The following CSNK1G1 variants were observed in gnomAD, a reference collection of about 807,000 sequenced individuals.
CSNK1G1 encodes casein kinase I isoform gamma-1.
Under a neutral mutation model 59.6 loss-of-function variants are expected in CSNK1G1, and 22 were observed. That is an observed-to-expected ratio of 0.37 (90% CI 0.26 to 0.53). The LOEUF is 0.53. Ranked by LOEUF, CSNK1G1 falls within the 20% of genes least tolerant of loss-of-function variation. The pLI, the probability that CSNK1G1 is intolerant of heterozygous loss-of-function variation, is 0.89. For missense variants in CSNK1G1, 384 were observed against 519.5 expected (o/e 0.74, Z 2.54); for synonymous variants, 179 against 177.1 (o/e 1.01, Z -0.08).
chr15:64,207,067 G>A (rs1219162011), intron 7 of CSNK1G1, among the ~76,000 whole-genome samples: 2 of 152,120 alleles, frequency 1.3e-5, no homozygotes, highest in African/African-American at 4.8e-5. Context: ...AGAGAGAAAA[G>A]CAGCACTGTC....
In CSNK1G1 at chr15:64,174,493, A is replaced by AC. The variant is rs1222836646; in HGVS notation, c.1215-2509dup. On this transcript the variant is annotated intron_variant, in intron 11 of 11. Coordinates refer to ENST00000303052, the MANE Select transcript of CSNK1G1 (RefSeq NM_022048.5). ...AACAGGATCTATTAAACTGGGTCAG[A>AC]CTCTAGACCAAGTCCACTGATTGAC... Among the ~76,000 whole-genome samples, 10 of 152,288 alleles carry AC rather than the reference A, an allele frequency of 6.6e-5. No homozygotes were observed. In the East Asian group the frequency reaches 1.9e-3, roughly 29 times the overall value.
intron 2 of CSNK1G1, among the ~76,000 whole-genome samples, chr15:64,268,827 G>C (rs1428163338): frequency 6.6e-6 from 1 of 152,046 alleles, no homozygotes; most frequent in Non-Finnish European, 1.5e-5. Context: ...ACCCTGAACT[G>C]GGATAAGTGG....
intron 1 of CSNK1G1, among the ~76,000 whole-genome samples, chr15:64,331,023 AAG>A (rs1220798353): frequency 8.4e-6 from 1 of 118,404 alleles, no homozygotes; most frequent in African/African-American, 3.3e-5. Context: ...AAGGAAATAA[AAG>A]AGGATACAAA....
Position 64,251,494 on chromosome 15 carries a change from A to G in CSNK1G1, c.292+18T>C. The G allele has an allele frequency of 6.3e-7, 1 of 1,576,946 alleles. No individual in the cohort carries two copies. Among genetic ancestry groups the G allele is most frequent in the Non-Finnish European group, 8.7e-7 (1 of 1,150,024 alleles). On this transcript the variant is annotated intron_variant, in intron 4 of 11. Transcript: ENST00000303052. ...TAAGATACATACTAAGTAAGTGGAG[A>G]GAAAAGACTTGACTTACCTGCACTG...
At chr15:64,248,913 G>A (rs935317184) in intron 4 of CSNK1G1, among the ~76,000 whole-genome samples, 2 of 152,144 alleles carry the variant, frequency 1.3e-5, no homozygotes, top group African/African-American at 2.4e-5. Context: ...GAGGTCAGGA[G>A]ATCGAGACCA....
chr15:64,192,518 C>A (rs1041350552), intron 10 of CSNK1G1, among the ~76,000 whole-genome samples: 4 of 152,160 alleles, frequency 2.6e-5, no homozygotes, highest in Admixed American at 1.3e-4. Flanking sequence ...AAACCCCCAC[C>A]TATGCCCTAT....
At chr15:64,220,143 G>A (rs117543713) in intron 4 of CSNK1G1, among the ~76,000 whole-genome samples, 6,387 of 150,870 alleles carry the variant, frequency 0.042, 150 homozygotes, top group South Asian at 0.078. Flanking sequence ...TGCTCAGGCC[G>A]GAATGCAGTG....
chr15:64,286,974 G>T (rs1296442184), intron 2 of CSNK1G1, among the ~76,000 whole-genome samples: 2 of 151,916 alleles, frequency 1.3e-5, no homozygotes, highest in Non-Finnish European at 2.9e-5. Context: ...TTCTTTTTCT[G>T]GTAACATGTA....
At chr15:64,286,080 T>C (rs1200065355) in intron 2 of CSNK1G1, among the ~76,000 whole-genome samples, 1 of 152,198 alleles carries the variant, frequency 6.6e-6, no homozygotes, top group African/African-American at 2.4e-5. Context: ...CCTCCATGCC[T>C]TTTGTATGGT....
intron 6 of CSNK1G1, among the ~76,000 whole-genome samples, chr15:64,213,054 A>C (rs2082268433): frequency 6.6e-6 from 1 of 152,192 alleles, no homozygotes; most frequent in Admixed American, 6.5e-5. Flanking sequence ...TAGTTCACTA[A>C]TATTTAAGAA....
rs144396855 is a variant in CSNK1G1, at chr15:64,177,685, G to C, written c.1214+2663C>G. Among the ~76,000 whole-genome samples the C allele has an allele frequency of 1.9e-4, 29 of 152,244 alleles. 1 individual carries two copies. In the East Asian group the frequency reaches 2.1e-3, roughly 11 times the overall value. ...GATTATACCAATACAGAATACACCAGATTGAAATCTCTGTGTGAATGAGCC... is the reference window on the plus strand; with the variant it reads ...GATTATACCAATACAGAATACACCACATTGAAATCTCTGTGTGAATGAGCC... On this transcript the variant is annotated intron_variant, in intron 11 of 11. Transcript: ENST00000303052.
intron 4 of CSNK1G1, among the ~76,000 whole-genome samples, chr15:64,225,624 T>C (rs2082449981): frequency 6.6e-6 from 1 of 152,162 alleles, no homozygotes; most frequent in African/African-American, 2.4e-5. Flanking sequence ...TGTGTTACCA[T>C]GATCTTTTGT....
chr15:64,289,523 A>G (rs1317429286), intron 2 of CSNK1G1, among the ~76,000 whole-genome samples: 1 of 152,056 alleles, frequency 6.6e-6, no homozygotes, highest in Non-Finnish European at 1.5e-5. Context: ...AGAATCTCAT[A>G]TACATTTGAT....
At chr15:64,308,517 T>C (rs1476767654) in intron 1 of CSNK1G1, among the ~76,000 whole-genome samples, 2 of 152,194 alleles carry the variant, frequency 1.3e-5, no homozygotes, top group South Asian at 2.1e-4. Flanking sequence ...TTTACTCTCA[T>C]TGTACTCATT....
chr15:64,223,956 T>A (rs2082423771), intron 4 of CSNK1G1, among the ~76,000 whole-genome samples: 1 of 152,192 alleles, frequency 6.6e-6, no homozygotes, highest in African/African-American at 2.4e-5. Flanking sequence ...CTAAAAACAA[T>A]CTACAACACA....
At chr15:64,308,931 A>G (rs930168448) in intron 1 of CSNK1G1, among the ~76,000 whole-genome samples, 1 of 151,696 alleles carries the variant, frequency 6.6e-6, no homozygotes, top group African/African-American at 2.4e-5. Flanking sequence ...GCTTGAGGTC[A>G]TTCCAGATCT....
chr15:64,298,234 T>C (rs1186253309), intron 2 of CSNK1G1, among the ~76,000 whole-genome samples: 1 of 152,254 alleles, frequency 6.6e-6, no homozygotes, highest in Non-Finnish European at 1.5e-5. Flanking sequence ...AGATTTCCAC[T>C]TTTAATTCAC....
intron 2 of CSNK1G1, among the ~76,000 whole-genome samples, chr15:64,262,338 G>C (rs1044391932): frequency 6.6e-6 from 1 of 152,238 alleles, no homozygotes; most frequent in African/African-American, 2.4e-5. Flanking sequence ...TGGATACGGA[G>C]GGTAGTGAAT....
At chr15:64,292,750 T>C (rs1380487876) in intron 2 of CSNK1G1, among the ~76,000 whole-genome samples, 1 of 151,970 alleles carries the variant, frequency 6.6e-6, no homozygotes, top group Non-Finnish European at 1.5e-5. Context: ...TGGTGAAACC[T>C]GTCTCTATTA....
Sources: allele counts gnomAD v4.1 joint callset (sites outside exome capture counted in the v4.1 genomes callset), GRCh38; gene constraint gnomAD v4.1.1; transcripts MANE v1.5; gene names NCBI Gene and HGNC (gene_info 2026-07-23, HGNC 2026-07-21).